The following FIP1L1 variants were observed in gnomAD, a reference collection of about 807,000 sequenced individuals.
FIP1L1 encodes the protein pre-mRNA 3'-end-processing factor FIP1.
Under a neutral mutation model 84.6 loss-of-function variants are expected in FIP1L1, and 21 were observed. The observed-to-expected ratio is 0.25, with a 90% CI of 0.18 to 0.36. The LOEUF (loss-of-function observed/expected upper bound fraction) is 0.36, where lower values mean the gene tolerates loss of function less well. FIP1L1 is among the 10% of genes least tolerant of loss of function. The pLI is 1.00. For missense variants in FIP1L1, 526 were observed against 751.1 expected (o/e 0.70, Z 3.50); for synonymous variants, 263 against 242.3 (o/e 1.09, Z -0.80).
chr4:53,400,244 C>T (rs1749534892), intron 10 of FIP1L1, among the ~76,000 whole-genome samples: 1 of 152,266 alleles, frequency 6.6e-6, no homozygotes, highest in African/African-American at 2.4e-5. Flanking sequence ...GTGAAAGAGG[C>T]TATTGAAATT....
intron 10 of FIP1L1, 77 bp from the exon 11 acceptor site, chr4:53,414,536 AAG>A: frequency 2.4e-6 from 2 of 849,104 alleles, no homozygotes; most frequent in Non-Finnish European, 3.5e-6. Context: ...AAAGCATGTC[AAG>A]AAAAAAAAAA....
Sources: allele counts gnomAD v4.1 joint callset (sites outside exome capture counted in the v4.1 genomes callset), GRCh38; gene constraint gnomAD v4.1.1; transcripts MANE v1.5; gene names NCBI Gene and HGNC (gene_info 2026-07-23, HGNC 2026-07-21).